The following KHDRBS3 variants were observed in gnomAD, a reference collection of about 807,000 sequenced individuals.
The protein encoded by KHDRBS3 is KH domain-containing, RNA-binding, signal transduction-associated protein 3.
KHDRBS3 carries 23 observed loss-of-function variants against 45.6 expected under a neutral mutation model. The observed-to-expected ratio is 0.50, with a 90% CI of 0.36 to 0.72. The LOEUF (loss-of-function observed/expected upper bound fraction) is 0.72, where lower values mean the gene tolerates loss of function less well. KHDRBS3 is among the 30% of genes least tolerant of loss of function. The pLI is 0.00. For synonymous variants in KHDRBS3, 162 were observed against 156.5 expected, an observed-to-expected ratio of 1.04 and a Z score of -0.26; for missense variants, 352 against 424.8, an observed-to-expected ratio of 0.83 and a Z score of 1.51.
In KHDRBS3 at chr8:135,557,449, A is replaced by G. The variant is rs201758637; in HGVS notation, c.473A>G (p.Asp158Gly). The change falls in exon 5 of 9, where the codon GAT (aspartate) becomes GGT (glycine). Residue 158 changes from aspartate to glycine, a missense_variant and splice_region_variant. Around this residue, in one of 6 missense-constraint regions of KHDRBS3, gnomAD observed 12 missense variants for 38.0 expected, o/e 0.32. Transcript: ENST00000355849. ...LEEIKKFLIP[D>G]YNDEIRQAQL... ...TGCTATCTTCTGTCTTTTGTGTAGGATTATAATGATGAGATCAGGCAAGCA... is the reference window on the plus strand; with the variant it reads ...TGCTATCTTCTGTCTTTTGTGTAGGGTTATAATGATGAGATCAGGCAAGCA... The G allele has an allele frequency of 6.2e-7, 1 of 1,605,790 alleles. No individual in the cohort carries two copies. Among genetic ancestry groups the G allele is most frequent in the African/African-American group, 1.3e-5 (1 of 74,716 alleles).
At chr8:135,569,275 G>A (rs750758521) in intron 5 of KHDRBS3, among the ~76,000 whole-genome samples, 2 of 152,158 alleles carry the variant, frequency 1.3e-5, no homozygotes, top group Non-Finnish European at 2.9e-5. Context: ...GACGTGCACT[G>A]AAATGAAGAT....
At chr8:135,525,390 T>C (rs1825130331) in intron 2 of KHDRBS3, among the ~76,000 whole-genome samples, 1 of 152,162 alleles carries the variant, frequency 6.6e-6, no homozygotes, top group African/African-American at 2.4e-5. Flanking sequence ...CCCCTCACAT[T>C]TCAGCACTAT....
intron 2 of KHDRBS3, chr8:135,542,345 A>G (rs1012403549): frequency 3.7e-6 from 1 of 269,004 alleles, no homozygotes; most frequent in Admixed American, 5.0e-5. Flanking sequence ...ATTCATGGTG[A>G]TATTTAACGT....
At chr8:135,539,256 T>A (rs189791274) in intron 2 of KHDRBS3, 1 of 152,422 alleles carries the variant, frequency 6.6e-6, no homozygotes, top group East Asian at 1.9e-4. Context: ...ATGCAACATC[T>A]GCAGTTTGAG....
chr8:135,616,937 A>G (rs1829942768), intron 7 of KHDRBS3, among the ~76,000 whole-genome samples: 1 of 152,096 alleles, frequency 6.6e-6, no homozygotes, highest in Admixed American at 6.5e-5. Context: ...TAACTTTTGT[A>G]TAATTTCTGA....
At chr8:135,494,795 C>T (rs549832976) in intron 1 of KHDRBS3, among the ~76,000 whole-genome samples, 2 of 152,196 alleles carry the variant, frequency 1.3e-5, no homozygotes, top group Admixed American at 6.5e-5. Flanking sequence ...CCTCCACCAT[C>T]GCCATTCTCT....
At chr8:135,515,820 A>G (rs1824566800) in intron 1 of KHDRBS3, among the ~76,000 whole-genome samples, 1 of 152,232 alleles carries the variant, frequency 6.6e-6, no homozygotes, top group Non-Finnish European at 1.5e-5. Flanking sequence ...GATTTAAAGC[A>G]GTGCAAAAAG....
intron 4 of KHDRBS3, among the ~76,000 whole-genome samples, chr8:135,556,316 C>G (rs930238623): frequency 4.6e-5 from 7 of 152,216 alleles, no homozygotes; most frequent in African/African-American, 1.7e-4. Context: ...GCCACACTGT[C>G]TTCCATGTAG....
chr8:135,554,142 A>T (rs1213345265), intron 4 of KHDRBS3, among the ~76,000 whole-genome samples: 1 of 151,982 alleles, frequency 6.6e-6, no homozygotes, highest in African/African-American at 2.4e-5. Flanking sequence ...CAAATTCCAT[A>T]TTTCTTTCCC....
At chr8:135,462,830 C>T (rs766325148) in intron 1 of KHDRBS3, among the ~76,000 whole-genome samples, 24 of 152,114 alleles carry the variant, frequency 1.6e-4, no homozygotes, top group Non-Finnish European at 3.1e-4. Flanking sequence ...TACTGACTCT[C>T]AGTAACACTG....
At chr8:135,542,797 A>G in intron 3 of KHDRBS3, 27 bp downstream of exon 3, 2 of 1,405,826 alleles carry the variant, frequency 1.4e-6, no homozygotes, top group Non-Finnish European at 2.0e-6. Context: ...AAAACGGCTA[A>G]GTTGTGTATC....
At chr8:135,522,316 A>ACTTTTCTT (rs2130659210) in intron 2 of KHDRBS3, among the ~76,000 whole-genome samples, 1 of 152,290 alleles carries the variant, frequency 6.6e-6, no homozygotes, top group African/African-American at 2.4e-5. Flanking sequence ...TCCATAGTGT[A>ACTTTTCTT]TATGTACCAC....
intron 5 of KHDRBS3, among the ~76,000 whole-genome samples, chr8:135,580,556 A>G (rs1404245261): frequency 6.6e-6 from 1 of 150,618 alleles, no homozygotes; most frequent in Non-Finnish European, 1.5e-5. Context: ...TTATTCTTAA[A>G]TGTCCTTGAG....
At chr8:135,539,393 G>C (rs1318746449) in intron 2 of KHDRBS3, 5 of 152,250 alleles carry the variant, frequency 3.3e-5, no homozygotes, top group South Asian at 2.1e-4. Context: ...TTCCTCGGCC[G>C]ATCTGGGTGG....
chr8:135,488,041 A>G (rs772781453), intron 1 of KHDRBS3, among the ~76,000 whole-genome samples: 4 of 152,228 alleles, frequency 2.6e-5, no homozygotes, highest in Non-Finnish European at 4.4e-5. Context: ...GCATAGGTGC[A>G]TATGTCTATA....
chr8:135,563,170 T>A (rs1298544659), intron 5 of KHDRBS3, among the ~76,000 whole-genome samples: 1 of 152,142 alleles, frequency 6.6e-6, no homozygotes, highest in Non-Finnish European at 1.5e-5. Context: ...AATCCACACT[T>A]CCTCATATGC....
chr8:135,528,147 T>C (rs528740196), intron 2 of KHDRBS3, among the ~76,000 whole-genome samples: 1 of 152,332 alleles, frequency 6.6e-6, no homozygotes, highest in South Asian at 2.1e-4. Flanking sequence ...AGTAACTTTG[T>C]CTTAACCAGC....
At chr8:135,491,945 T>C (rs1266338611) in intron 1 of KHDRBS3, among the ~76,000 whole-genome samples, 1 of 152,072 alleles carries the variant, frequency 6.6e-6, no homozygotes, top group East Asian at 1.9e-4. Context: ...TTTTTTTTTT[T>C]TTAAGCCAAT....
intron 6 of KHDRBS3, among the ~76,000 whole-genome samples, chr8:135,594,308 C>A (rs1432472770): frequency 6.6e-6 from 1 of 152,206 alleles, no homozygotes; most frequent in Non-Finnish European, 1.5e-5. Context: ...GGAGGGTTCA[C>A]TACAGTACAG....
Sources: gnomAD v4.1 joint callset for allele counts (sites outside exome capture counted in the v4.1 genomes callset) on GRCh38, gnomAD v4.1.1 for gene constraint, gnomAD v4.1.1 regional missense constraint, MANE v1.5 for transcripts, NCBI Gene and HGNC (gene_info 2026-07-23, HGNC 2026-07-21) for gene names.